Variants in ARHGAP24 observed in about 807,000 individuals in gnomAD.
ARHGAP24 encodes rho GTPase-activating protein 24.
ARHGAP24 carries 50 observed loss-of-function variants against 76.4 expected under a neutral mutation model. The ratio of observed to expected loss-of-function variants is 0.65; its 90% CI spans 0.52 to 0.83. The LOEUF (loss-of-function observed/expected upper bound fraction) is 0.83, where lower values mean the gene tolerates loss of function less well. Ranked by LOEUF, ARHGAP24 falls within the 40% of genes least tolerant of loss-of-function variation. The probability of loss-of-function intolerance (pLI) is 0.00; values close to 1 mark genes in which losing one functional copy is unlikely to be tolerated. For missense variants in ARHGAP24, 930 were observed against 914.2 expected (o/e 1.02, Z -0.22); for synonymous variants, 345 against 323.3 (o/e 1.07, Z -0.72).
At chr4:85,687,804 G>A (rs917872101) in intron 2 of ARHGAP24, among the ~76,000 whole-genome samples, 3 of 151,440 alleles carry the variant, frequency 2.0e-5, no homozygotes, top group Non-Finnish European at 2.9e-5. Context: ...TGGGTCAAAT[G>A]GTAGTTCTAT....
At chr4:85,502,195 T>A (rs1238104299) in intron 1 of ARHGAP24, among the ~76,000 whole-genome samples, 1 of 152,212 alleles carries the variant, frequency 6.6e-6, no homozygotes, top group African/African-American at 2.4e-5. Flanking sequence ...AGGATTGTCT[T>A]GGCAATGTGG....
At chr4:85,956,719 G>C (rs561725080) in intron 5 of ARHGAP24, among the ~76,000 whole-genome samples, 1 of 152,176 alleles carries the variant, frequency 6.6e-6, no homozygotes, top group South Asian at 2.1e-4. Flanking sequence ...TAGCCCGATC[G>C]GGAGGGGCAA....
intron 3 of ARHGAP24, among the ~76,000 whole-genome samples, chr4:85,797,949 A>C (rs1017629036): frequency 9.9e-5 from 15 of 152,248 alleles, no homozygotes; most frequent in Non-Finnish European, 1.8e-4. Flanking sequence ...AATTTACTGC[A>C]TGCCTTAAAT....
At chr4:85,598,521 G>A (rs1719916572) in intron 2 of ARHGAP24, among the ~76,000 whole-genome samples, 1 of 151,992 alleles carries the variant, frequency 6.6e-6, no homozygotes, top group African/African-American at 2.4e-5. Flanking sequence ...CTCTTTCTTA[G>A]TAGCTGATCA....
intron 3 of ARHGAP24, among the ~76,000 whole-genome samples, chr4:85,725,279 G>A (rs1031945355): frequency 6.6e-6 from 1 of 152,170 alleles, no homozygotes; most frequent in Non-Finnish European, 1.5e-5. Flanking sequence ...AAATAGCACA[G>A]TATAACATAT....
intron 2 of ARHGAP24, among the ~76,000 whole-genome samples, chr4:85,625,065 A>G (rs1445110968): frequency 6.6e-6 from 1 of 151,714 alleles, no homozygotes; most frequent in African/African-American, 2.4e-5. Flanking sequence ...TTTGTGTCCT[A>G]TTTCCTTCAG....
chr4:85,581,385 T>C (rs1479463581), intron 2 of ARHGAP24, among the ~76,000 whole-genome samples: 2 of 152,182 alleles, frequency 1.3e-5, no homozygotes, highest in African/African-American at 4.8e-5. Context: ...TTTCTAGATA[T>C]GGGATTACAG....
chr4:85,849,502 G>C (rs1731095002), intron 3 of ARHGAP24, among the ~76,000 whole-genome samples: 1 of 152,176 alleles, frequency 6.6e-6, no homozygotes, highest in African/African-American at 2.4e-5. Context: ...GGAGTGGTGA[G>C]AGAGGGCATC....
chr4:85,774,910 C>A (rs761179343), intron 3 of ARHGAP24, among the ~76,000 whole-genome samples: 4 of 152,048 alleles, frequency 2.6e-5, no homozygotes, highest in Non-Finnish European at 5.9e-5. Context: ...TTGTCAAATG[C>A]CTGTTTTATA....
chr4:85,727,292 A>G (rs1007818281), intron 3 of ARHGAP24, among the ~76,000 whole-genome samples: 1 of 152,144 alleles, frequency 6.6e-6, no homozygotes, highest in Non-Finnish European at 1.5e-5. Context: ...TTTGAACTGG[A>G]ATGGATACAC....
intron 5 of ARHGAP24, among the ~76,000 whole-genome samples, chr4:85,964,314 A>G (rs1738440379): frequency 6.6e-6 from 1 of 152,116 alleles, no homozygotes; most frequent in Non-Finnish European, 1.5e-5. Flanking sequence ...TAAAAGAGAA[A>G]CAATTTTACA....
rs548564333 is a variant in ARHGAP24 at position 85,588,997 on chromosome 4, G to A, written c.180+18276G>A. 5.0e-4 allele frequency among the ~76,000 whole-genome samples: 76 copies of A among 152,336 alleles called. No homozygotes were observed. In the South Asian group the frequency reaches 6.2e-3, roughly 12 times the overall value. Reference sequence around the variant, plus strand: ...TAATATTCTCAGAGGTAAATCACCTGCAAGGTGAAACTTGTAGGTGAAGAC... The same window carrying A: ...TAATATTCTCAGAGGTAAATCACCTACAAGGTGAAACTTGTAGGTGAAGAC... On this transcript the variant is annotated intron_variant, in intron 2 of 9. Coordinates refer to ENST00000395184, the MANE Select transcript of ARHGAP24 (RefSeq NM_001025616.3).
At chr4:85,864,544 A>T (rs181900062) in intron 3 of ARHGAP24, among the ~76,000 whole-genome samples, 4 of 152,242 alleles carry the variant, frequency 2.6e-5, no homozygotes, top group Admixed American at 2.6e-4. Flanking sequence ...AAAGATATCT[A>T]TCTATACAAA....
intron 1 of ARHGAP24, among the ~76,000 whole-genome samples, chr4:85,514,713 A>G (rs1724417222): frequency 6.7e-6 from 1 of 148,374 alleles, no homozygotes; most frequent in Non-Finnish European, 1.5e-5. Flanking sequence ...GCTTATCTAA[A>G]GTTCCATCCA....
intron 3 of ARHGAP24, among the ~76,000 whole-genome samples, chr4:85,827,053 T>C (rs1729745622): frequency 6.6e-6 from 1 of 152,202 alleles, no homozygotes; most frequent in Non-Finnish European, 1.5e-5. Flanking sequence ...TTTGTATCTA[T>C]TTATAATATA....
chr4:85,613,184 C>A (rs1358588031), intron 2 of ARHGAP24, among the ~76,000 whole-genome samples: 1 of 151,948 alleles, frequency 6.6e-6, no homozygotes, highest in African/African-American at 2.4e-5. Flanking sequence ...ATATGTATAT[C>A]CATAAACAAC....
At chr4:85,624,282 G>A (rs1720838891) in intron 2 of ARHGAP24, among the ~76,000 whole-genome samples, 1 of 152,040 alleles carries the variant, frequency 6.6e-6, no homozygotes, top group Admixed American at 6.6e-5. Context: ...TTTTTTGGGA[G>A]TTTTTAGCAT....
intron 3 of ARHGAP24, among the ~76,000 whole-genome samples, chr4:85,908,315 A>G (rs1292873806): frequency 5.9e-5 from 9 of 152,060 alleles, no homozygotes; most frequent in Admixed American, 5.9e-4. Context: ...TCCTCATTTC[A>G]TGGTTTGTCT....
At chr4:85,912,393 A>G (rs1025343657) in intron 3 of ARHGAP24, among the ~76,000 whole-genome samples, 14 of 152,180 alleles carry the variant, frequency 9.2e-5, no homozygotes, top group African/African-American at 3.4e-4. Flanking sequence ...AAACTGTGGG[A>G]GAAAAAGCAC....
Sources: gnomAD v4.1 joint callset for allele counts (sites outside exome capture counted in the v4.1 genomes callset) on GRCh38, gnomAD v4.1.1 for gene constraint, MANE v1.5 for transcripts, NCBI Gene and HGNC (gene_info 2026-07-23, HGNC 2026-07-21) for gene names.